ZC3H7A: variants seen among roughly 807,000 people sequenced by gnomAD.
The protein encoded by ZC3H7A is zinc finger CCCH-type containing 7A.
A neutral mutation model predicts 125.5 loss-of-function variants in ZC3H7A; 44 were observed. The observed-to-expected ratio is 0.35, with a 90% CI of 0.28 to 0.45. ZC3H7A has a LOEUF of 0.45. ZC3H7A is among the 20% of genes least tolerant of loss of function. ZC3H7A has a pLI of 1.00. For missense variants in ZC3H7A, 977 were observed against 1,170.7 expected (o/e 0.83, Z 2.41); for synonymous variants, 399 against 391.2 (o/e 1.02, Z -0.23).
At position 11,774,333 on chromosome 16, in the gene ZC3H7A, G is replaced by A. The variant is rs781364619; in HGVS notation, c.806C>T (p.Thr269Ile). Residue 269 changes from threonine to isoleucine, a missense_variant, in exon 9 of 23, where the codon ACT becomes ATT. This residue lies in a region of ZC3H7A where 342 missense variants were observed against 311.3 expected (regional missense o/e 1.10). Transcript: ENST00000355758. ...ATCATCTAGAAAAGCTTCTGGCATA[G>A]TGAAGGGCATCTTTCCTCCATTTGC... ...VLANGGKMPFTMPEAFLDDGD... is the reference protein window; with the variant it reads ...VLANGGKMPFIMPEAFLDDGD... The A allele has an allele frequency of 2.5e-6, 4 of 1,614,060 alleles. No individual in the cohort carries two copies. The Admixed American group carries it at 6.7e-5, about 27-fold the overall frequency.
At chr16:11,770,736 T>G in intron 10 of ZC3H7A, 47 bp downstream of exon 10, 1 of 1,527,626 alleles carries the variant, frequency 6.5e-7, no homozygotes, top group Non-Finnish European at 9.0e-7. Context: ...CATTTTCATT[T>G]TGAGAAAATC....
rs1236783594 is a variant in ZC3H7A, at chr16:11,767,546, T to C, written c.1393A>G (p.Asn465Asp). ...TCTTTCTTACACTTATGATCTATGT[T>C]AGCATGGTAAGTGAAATCCATTAAC... The part of the protein sequence containing the change: ...PKLMDFTYHA[N>D]IDHKCKKDIL... Residue 465 changes from asparagine to aspartate, a missense_variant, in exon 13 of 23, where the codon AAC (asparagine) becomes GAC (aspartate). Around this residue, in one of 3 missense-constraint regions of ZC3H7A, gnomAD observed 342 missense variants for 311.3 expected, o/e 1.10. Coordinates refer to ENST00000355758, the MANE Select transcript of ZC3H7A (RefSeq NM_014153.4). 1.2e-6 allele frequency: 2 copies of C among 1,603,874 alleles called. No individual in the cohort carries two copies.
chr16:11,761,871 A>T (rs1299103975), intron 18 of ZC3H7A, 39 bp downstream of exon 18: 1 of 1,602,422 alleles, frequency 6.2e-7, no homozygotes, highest in Non-Finnish European at 8.5e-7. Flanking sequence ...CGAAACAGAA[A>T]ATTACAAAAT....
At chr16:11,773,719 A>G (rs376042017) in intron 9 of ZC3H7A, among the ~76,000 whole-genome samples, 7 of 151,736 alleles carry the variant, frequency 4.6e-5, no homozygotes, top group African/African-American at 1.7e-4. Context: ...CATCTTTACT[A>G]AAAATACAAA....
At chr16:11,774,799 G>T (rs1285913120) in intron 8 of ZC3H7A, among the ~76,000 whole-genome samples, 181 bp downstream of exon 8, 2 of 152,106 alleles carry the variant, frequency 1.3e-5, no homozygotes, top group Non-Finnish European at 2.9e-5. Flanking sequence ...ACACTTTTCA[G>T]TCACTCACTG....
At chr16:11,794,972 G>A (rs2053412641) in intron 1 of ZC3H7A, among the ~76,000 whole-genome samples, 3 of 152,092 alleles carry the variant, frequency 2.0e-5, no homozygotes, top group Admixed American at 1.3e-4. Context: ...TCTCCACTTC[G>A]TTTGGATGGC....
chr16:11,777,306 A>C (rs187989303), intron 4 of ZC3H7A, among the ~76,000 whole-genome samples: 93 of 152,350 alleles, frequency 6.1e-4, no homozygotes, highest in Admixed American at 1.0e-3. Context: ...CTGATAAGGA[A>C]TATATTACCC....
At position 11,788,616 on chromosome 16, in the gene ZC3H7A, CT is replaced by C. The variant is rs1456172023; in HGVS notation, c.-34-6229del. Among the ~76,000 whole-genome samples the C allele has an allele frequency of 3.5e-3, 497 of 141,448 alleles. 5 individuals are homozygous for C. The East Asian group carries it at 0.043, about 12-fold the overall frequency. 92.8% of individuals were successfully genotyped at this position (141,448 alleles called of 152,430 possible). ...ATATATTGCTTTCTTTTTTTTCTTT[CT>C]TTTTTTTTTTTTTTGAGACGCAGTC... On this transcript the variant is annotated intron_variant, in intron 1 of 22. Transcript: ENST00000355758.
intron 1 of ZC3H7A, among the ~76,000 whole-genome samples, chr16:11,794,008 G>T (rs546853138): frequency 8.5e-5 from 13 of 152,314 alleles, no homozygotes; most frequent in Admixed American, 8.5e-4. Context: ...AAGAGGCTCC[G>T]CCTGCCAAGA....
intron 9 of ZC3H7A, among the ~76,000 whole-genome samples, chr16:11,773,115 G>T (rs77778332): frequency 0.011 from 1,607 of 152,070 alleles, 63 homozygotes; most frequent in African/African-American, 0.038. Context: ...CACATAAAAT[G>T]AATAGTCACT....
chr16:11,761,577 G>C, intron 18 of ZC3H7A, 66 bp from the exon 19 acceptor site: 1 of 1,540,912 alleles, frequency 6.5e-7, no homozygotes, highest in South Asian at 1.1e-5. Context: ...CAAAGGGAGA[G>C]GCACAAAGTT....
chr16:11,773,105 C>T (rs949378887), intron 9 of ZC3H7A, among the ~76,000 whole-genome samples: 2 of 151,954 alleles, frequency 1.3e-5, no homozygotes, highest in African/African-American at 4.9e-5. Flanking sequence ...CCACAGACAG[C>T]ACATAAAATG....
intron 20 of ZC3H7A, among the ~76,000 whole-genome samples, chr16:11,757,058 T>C (rs984041278): frequency 2.6e-5 from 4 of 152,180 alleles, no homozygotes; most frequent in Admixed American, 1.3e-4. Flanking sequence ...GCTGGGGGTA[T>C]GCCCTGTGCA....
chr16:11,773,916 T>G (rs1354267285), intron 9 of ZC3H7A, among the ~76,000 whole-genome samples: 1 of 151,866 alleles, frequency 6.6e-6, no homozygotes, highest in Non-Finnish European at 1.5e-5. Flanking sequence ...GAATAAGAAG[T>G]CTTTAATCTA....
At chr16:11,754,814 CCTGAGAGGCAGAGGTTGCA>C (rs2052612539) in intron 21 of ZC3H7A, among the ~76,000 whole-genome samples, 1 of 148,388 alleles carries the variant, frequency 6.7e-6, no homozygotes, top group African/African-American at 2.5e-5. Flanking sequence ...ATTGCTTGAA[CCTGAGAGGCAGAGGTTGCA>C]GTGAGCCAAG....
intron 19 of ZC3H7A, among the ~76,000 whole-genome samples, chr16:11,760,332 T>C (rs1247620138): frequency 1.3e-5 from 2 of 152,128 alleles, no homozygotes; most frequent in Non-Finnish European, 2.9e-5. Context: ...ATATACATAT[T>C]ATCTCCATCA....
In ZC3H7A at chr16:11,776,358, G is replaced by C; in HGVS notation, c.547C>G (p.Leu183Val). The change falls in exon 7 of 23, where the codon CTC becomes GTC. Residue 183 changes from leucine to valine, a missense_variant and splice_region_variant. Leu to Val is a conservative substitution (Grantham distance 32, BLOSUM62 1). This residue lies in a region of ZC3H7A where 199 missense variants were observed against 256.1 expected (regional missense o/e 0.78). Transcript: ENST00000355758. ...KIRKAYVRAE[L>V]SLKSVPGDGA... ...TCCCCAGGAACTGATTTTAATGAGA[G>C]CTGAAATAAAATAAAGACACTAATT... is the stretch of plus-strand genomic sequence containing the variant. 1 of 1,608,606 alleles carries C rather than the reference G, an allele frequency of 6.2e-7. No individual in the cohort carries two copies. Among genetic ancestry groups the C allele is most frequent in the South Asian group, 1.1e-5 (1 of 88,784 alleles).
intron 2 of ZC3H7A, 95 bp downstream of exon 2, chr16:11,782,192 T>A: frequency 7.2e-7 from 1 of 1,398,310 alleles, no homozygotes; most frequent in Non-Finnish European, 1.0e-6. Flanking sequence ...CTGGACCTAT[T>A]AAACATGACT....
At chr16:11,791,758 G>A (rs1470342783) in intron 1 of ZC3H7A, among the ~76,000 whole-genome samples, 1 of 152,190 alleles carries the variant, frequency 6.6e-6, no homozygotes, top group African/African-American at 2.4e-5. Context: ...GGGGAAACAA[G>A]GTGGGAAGTG....
Sources: allele counts gnomAD v4.1 joint callset (sites outside exome capture counted in the v4.1 genomes callset), GRCh38; gene constraint gnomAD v4.1.1; regional missense constraint gnomAD v4.1.1; transcripts MANE v1.5; gene names NCBI Gene and HGNC (gene_info 2026-07-23, HGNC 2026-07-21).